The following TRPC5 variants were observed in gnomAD, a reference collection of about 807,000 sequenced individuals.
The protein encoded by TRPC5 is short transient receptor potential channel 5.
Under a neutral mutation model 56.5 loss-of-function variants are expected in TRPC5, and 9 were observed. The ratio of observed to expected loss-of-function variants is 0.16; its 90% CI spans 0.10 to 0.28. The LOEUF is 0.28. Ranked by LOEUF, TRPC5 falls within the 10% of genes least tolerant of loss-of-function variation. TRPC5 has a pLI of 1.00. For synonymous variants in TRPC5, 282 were observed against 278.5 expected (o/e 1.01, Z -0.13); for missense variants, 469 against 748.9 (o/e 0.63, Z 4.36).
chrX:111,971,583 T>A (rs1324120807), intron 1 of TRPC5, among the ~76,000 whole-genome samples: 1 of 111,596 alleles, frequency 9.0e-6, no homozygotes. Flanking sequence ...TCTTAATGAA[T>A]CCTGATCATT....
At chrX:111,807,606 C>T (rs1456007186) in intron 7 of TRPC5, among the ~76,000 whole-genome samples, 1 of 112,008 alleles carries the variant, frequency 8.9e-6, no homozygotes, top group Non-Finnish European at 1.9e-5. Flanking sequence ...GTCTTGTTTT[C>T]GTGGATGCTC....
chrX:111,801,634 A>G (rs1276791044), intron 7 of TRPC5, among the ~76,000 whole-genome samples: 1 of 111,882 alleles, frequency 8.9e-6, no homozygotes, highest in Non-Finnish European at 1.9e-5. Flanking sequence ...GCATTTTCTT[A>G]ATGCCGAATG....
intron 1 of TRPC5, among the ~76,000 whole-genome samples, chrX:112,000,739 C>G (rs971751050): frequency 1.8e-5 from 2 of 112,164 alleles, no homozygotes; most frequent in African/African-American, 6.5e-5. Context: ...AAAATGCAAG[C>G]AATTTCTATC....
At chrX:112,005,043 C>T (rs987198612) in intron 1 of TRPC5, among the ~76,000 whole-genome samples, 3 of 111,215 alleles carry the variant, frequency 2.7e-5, no homozygotes, top group African/African-American at 6.5e-5. Context: ...TCATTGCTAT[C>T]GTGAATTTTA....
chrX:111,938,861 T>A (rs1333899365), intron 2 of TRPC5, among the ~76,000 whole-genome samples: 1 of 112,232 alleles, frequency 8.9e-6, no homozygotes, highest in Non-Finnish European at 1.9e-5. Flanking sequence ...CAAATAAGGA[T>A]AATTTGACTT....
intron 1 of TRPC5, among the ~76,000 whole-genome samples, chrX:111,974,711 C>T (rs777085621): frequency 2.7e-5 from 3 of 110,864 alleles, no homozygotes; most frequent in Non-Finnish European, 5.7e-5. Context: ...AAAGACCCAT[C>T]ACCAGAGAGC....
intron 1 of TRPC5, among the ~76,000 whole-genome samples, chrX:112,002,935 C>T (rs1404294193): frequency 9.0e-6 from 1 of 111,591 alleles, no homozygotes; most frequent in African/African-American, 3.3e-5. Flanking sequence ...TCTACTCTAT[C>T]TAGGTCCCCC....
At position 111,987,769 on chromosome X, in the gene TRPC5, A is replaced by G. The variant is rs758643577; in HGVS notation, c.-21-35328T>C. Among the ~76,000 whole-genome samples the G allele has an allele frequency of 1.2e-4, 13 of 112,664 alleles. No individual in the cohort carries two copies. In the East Asian group the frequency reaches 3.4e-3, roughly 29 times the overall value. On this transcript the variant is annotated intron_variant, in intron 1 of 10. Coordinates refer to ENST00000262839, the MANE Select transcript of TRPC5 (RefSeq NM_012471.3). ...GAAGTCCAGAAAAGACTGATGTTGC[A>G]GTTCAAATAGTCAGGCAAGAGGAGC...
At chrX:111,948,544 C>T (rs1047380413) in intron 2 of TRPC5, among the ~76,000 whole-genome samples, 1 of 110,007 alleles carries the variant, frequency 9.1e-6, no homozygotes, top group Non-Finnish European at 1.9e-5. Context: ...CCAGCCTGGG[C>T]AACACGTTGA....
At chrX:111,926,560 A>T (rs752462930) in intron 2 of TRPC5, among the ~76,000 whole-genome samples, 1 of 111,738 alleles carries the variant, frequency 8.9e-6, no homozygotes, top group Non-Finnish European at 1.9e-5. Context: ...TAATCACTGT[A>T]CAAGAGGCCG....
intron 7 of TRPC5, among the ~76,000 whole-genome samples, chrX:111,826,754 T>G (rs1432783403): frequency 3.6e-5 from 4 of 112,295 alleles, no homozygotes; most frequent in African/African-American, 1.3e-4. Context: ...TCTTAAGAGA[T>G]GGCTCTTGGG....
rs1433319702 is a variant in TRPC5, at chrX:111,953,804, A to G, written c.-21-1363T>C. Among the ~76,000 whole-genome samples, 4 of 112,543 alleles carry G rather than the reference A, an allele frequency of 3.6e-5. No individual in the cohort carries two copies. In the East Asian group the frequency reaches 1.1e-3, roughly 31 times the overall value. ...ATGACATCCCTGCTTTGGCAGAGGG[A>G]GAGGCCTACCTTATATCAAGTGGTA... On this transcript the variant is annotated intron_variant, in intron 1 of 10. Transcript: ENST00000262839.
chrX:111,888,880 G>C (rs951214032), intron 3 of TRPC5, among the ~76,000 whole-genome samples: 1 of 110,955 alleles, frequency 9.0e-6, no homozygotes, highest in Admixed American at 9.6e-5. Context: ...AGAGCCAACA[G>C]GATATCCTGG....
chrX:111,777,314 AT>A (rs1945886621), intron 10 of TRPC5, among the ~76,000 whole-genome samples: 2 of 111,369 alleles, frequency 1.8e-5, no homozygotes, highest in Non-Finnish European at 3.8e-5. Context: ...AAGTTATTAG[AT>A]TAGGACACTG....
chrX:111,793,810 C>A (rs1001385645), intron 7 of TRPC5, among the ~76,000 whole-genome samples: 13 of 112,204 alleles, frequency 1.2e-4, no homozygotes, highest in African/African-American at 3.9e-4. Flanking sequence ...AAATGTCTAT[C>A]AACCAATAAA....
intron 1 of TRPC5, among the ~76,000 whole-genome samples, chrX:112,035,455 T>G (rs1202098072): frequency 1.1e-5 from 1 of 93,730 alleles, no homozygotes; most frequent in Non-Finnish European, 2.0e-5. Context: ...GTCCTTGAAC[T>G]CATATATATA....
intron 3 of TRPC5, among the ~76,000 whole-genome samples, chrX:111,869,150 A>AT (rs200465770): frequency 0.015 from 1,449 of 98,448 alleles, 14 homozygotes; most frequent in African/African-American, 0.021. Context: ...GCAGTGCAGC[A>AT]TTTTTTTTTT....
At chrX:111,963,243 G>C (rs958961207) in intron 1 of TRPC5, among the ~76,000 whole-genome samples, 1 of 112,321 alleles carries the variant, frequency 8.9e-6, no homozygotes, top group Non-Finnish European at 1.9e-5. Context: ...AGCCATTTGA[G>C]ATCAAACTGC....
chrX:111,889,095 T>C (rs1450381283), intron 3 of TRPC5, among the ~76,000 whole-genome samples: 1 of 112,081 alleles, frequency 8.9e-6, no homozygotes, highest in African/African-American at 3.2e-5. Context: ...GCTGGCTAAA[T>C]AAATTTGGGA....
Sources: gnomAD v4.1 joint callset for allele counts (sites outside exome capture counted in the v4.1 genomes callset) on GRCh38, gnomAD v4.1.1 for gene constraint, MANE v1.5 for transcripts, NCBI Gene and HGNC (gene_info 2026-07-23, HGNC 2026-07-21) for gene names.